The following PLXNB2 variants were observed in gnomAD, a reference collection of about 807,000 sequenced individuals.
PLXNB2 encodes plexin-B2.
Under a neutral mutation model 202.6 loss-of-function variants are expected in PLXNB2, and 85 were observed. The observed-to-expected ratio is 0.42, with a 90% confidence interval of 0.35 to 0.50. PLXNB2 has a LOEUF of 0.50. Among genes scored for constraint, PLXNB2 ranks in the 20% least tolerant of loss-of-function variants. The pLI is 0.02. For synonymous variants in PLXNB2, 1,239 were observed against 1,137.6 expected (o/e 1.09, Z -1.79); for missense variants, 2,063 against 2,586.2 (o/e 0.80, Z 4.39).
chr22:50,280,530 C>T lies in PLXNB2; in HGVS notation c.4134G>A (p.Glu1378=), dbSNP rs771509156. The change falls in exon 25 of 37, where the codon GAG becomes GAA. Residue 1378 remains glutamate (E), a synonymous_variant. Coordinates refer to ENST00000359337, the MANE Select transcript of PLXNB2 (RefSeq NM_012401.4). Reference sequence around the variant, plus strand: ...TGGGGTTCTTGGCCACCACGTACTGCTCCAGGAGCTCCAGGAAGAGCGTGT... The same window carrying T: ...TGGGGTTCTTGGCCACCACGTACTGTTCCAGGAGCTCCAGGAAGAGCGTGT... ...IMHTLFLELL[E]QYVVAKNPKL... The T allele has an allele frequency of 1.9e-6, 3 of 1,611,542 alleles. No homozygotes were observed. Among genetic ancestry groups the T allele is most frequent in the Non-Finnish European group, 1.7e-6 (2 of 1,179,792 alleles).
Position 50,280,894 on chromosome 22 carries a change from G to A in PLXNB2, c.3843C>T (p.Thr1281=), listed in dbSNP as rs1222814018. Residue 1281 remains threonine, a synonymous_variant, in exon 24 of 37, where the codon ACC becomes ACT. Transcript: ENST00000359337. ...GIPVLDYKTY[T]DRVFFLPSKD... ...TGGAGGGCAGGAAGAAGACGCGGTC[G>A]GTGTAGGTCTTGTAGTCCAGCACGG... 12 of 1,613,552 alleles carry A rather than the reference G, an allele frequency of 7.4e-6. No homozygotes were observed. Among genetic ancestry groups the A allele is most frequent in the Middle Eastern group, 1.6e-4 (1 of 6,062 alleles).
Position 50,289,949 on chromosome 22 carries a change from G to C in PLXNB2, c.636C>G (p.Ser212=). Residue 212 remains serine, a synonymous_variant, in exon 3 of 37, where the codon TCC becomes TCG. Coordinates refer to ENST00000359337, the MANE Select transcript of PLXNB2 (RefSeq NM_012401.4). The surrounding 1 kb of genome is among the most constrained non-coding windows in gnomAD (Gnocchi z 8.0). ...DHATYKAGYL[S]TNTQQFVAAF... ...CCGCCACGAACTGCTGTGTGTTGGT[G>C]GACAGGTAGCCGGCCTTGTAGGTGG... The C allele has an allele frequency of 6.2e-7, 1 of 1,613,344 alleles. No individual in the cohort carries two copies. Among genetic ancestry groups the C allele is most frequent in the South Asian group, 1.1e-5 (1 of 91,088 alleles).
rs754956581 is a variant in PLXNB2, at chr22:50,280,001, C to T, written c.4242+4G>A. ...AGCCCCAGCCAGGCTGGGGTGGAAC[C>T]CACCTTGAGGTACTGGTACAGGCAG... On this transcript the variant is annotated splice_donor_region_variant and intron_variant, in intron 26 of 36. Transcript: ENST00000359337. The T allele has an allele frequency of 6.2e-7, 1 of 1,601,708 alleles. No individual in the cohort carries two copies. Among genetic ancestry groups the T allele is most frequent in the South Asian group, 1.1e-5 (1 of 89,544 alleles).
chr22:50,278,083 G>C (rs768651413), intron 31 of PLXNB2, 34 bp downstream of exon 31: 1 of 1,602,574 alleles, frequency 6.2e-7, no homozygotes, highest in Non-Finnish European at 8.5e-7. Context: ...CAGCGTGGCG[G>C]CCTGGTGCCG....
Position 50,282,265 on chromosome 22 carries a change from C to A in PLXNB2, c.3036G>T (p.Gln1012His), listed in dbSNP as rs750444951. The change falls in exon 19 of 37, where the codon CAG becomes CAT. Residue 1012 changes from glutamine (Q) to histidine (H), a missense_variant. Transcript: ENST00000359337. ...CCGCGATGACCACCATGGCAAACCT[C>A]TGGATCAGGCTGAAGCCCTGACCCG... Reference protein sequence around the residue: ...NVTGQGFSLIQRFAMVVIAEP... With the variant: ...NVTGQGFSLIHRFAMVVIAEP... The A allele has an allele frequency of 6.2e-7, 1 of 1,612,404 alleles. No individual in the cohort carries two copies. The highest frequency in any genetic ancestry group is 1.1e-5 in the South Asian group (1 of 91,070).
chr22:50,301,637 C>T (rs1364054309), intron 1 of PLXNB2, among the ~76,000 whole-genome samples: 1 of 152,164 alleles, frequency 6.6e-6, no homozygotes, highest in African/African-American at 2.4e-5. Context: ...CCGCAGCAGC[C>T]GGCTGCTCAG....
At chr22:50,278,338 G>T in intron 30 of PLXNB2, 67 bp from the exon 31 acceptor site, 1 of 1,584,436 alleles carries the variant, frequency 6.3e-7, no homozygotes, top group Non-Finnish European at 8.6e-7. Context: ...AGGGAGCAGT[G>T]GTGGCAGGGT....
intron 15 of PLXNB2, 22 bp downstream of exon 15, chr22:50,283,580 C>G (rs752271561): frequency 4.3e-6 from 7 of 1,611,456 alleles, no homozygotes; most frequent in Non-Finnish European, 5.9e-6. Context: ...TGACAGGGCC[C>G]AGACCAGGGC....
intron 27 of PLXNB2, among the ~76,000 whole-genome samples, chr22:50,279,354 T>C (rs1258487808): frequency 6.6e-6 from 1 of 152,206 alleles, no homozygotes; most frequent in Non-Finnish European, 1.5e-5. Flanking sequence ...CACAGAACCC[T>C]GGACACACCT....
In PLXNB2 at chr22:50,289,315, T is replaced by C. The variant is rs2066700317; in HGVS notation, c.1069-173A>G. Among the ~76,000 whole-genome samples the C allele has an allele frequency of 6.6e-6, 1 of 151,758 alleles. No individual in the cohort carries two copies. Among genetic ancestry groups the C allele is most frequent in the South Asian group, 2.1e-4 (1 of 4,784 alleles). On this transcript the variant is annotated intron_variant, in intron 3 of 36. Coordinates refer to ENST00000359337, the MANE Select transcript of PLXNB2 (RefSeq NM_012401.4). This position sits in a 1 kb window ranked among gnomAD's most constrained non-coding sequence, Gnocchi z 8.0. ...AGCCCCACCGTGCTCACTGTTGTGT[T>C]CCCCAGTGCCCGACACAGGCCTGGG...
At chr22:50,280,714 G>GGCCCAACCCC in intron 24 of PLXNB2, 30 bp downstream of exon 24, 1 of 1,528,954 alleles carries the variant, frequency 6.5e-7, no homozygotes, top group Non-Finnish European at 8.9e-7. Context: ...CCACCTGTGT[G>GGCCCAACCCC]CCCTCCCGCC....
chr22:50,292,775 C>A (rs1472778725), intron 2 of PLXNB2, among the ~76,000 whole-genome samples: 1 of 152,226 alleles, frequency 6.6e-6, no homozygotes, highest in Non-Finnish European at 1.5e-5. Context: ...TTCCTGAAAT[C>A]TCTTGAGGTG....
chr22:50,275,593 G>A lies in PLXNB2; in HGVS notation c.*111C>T, dbSNP rs368330270. On this transcript the variant is annotated 3_prime_UTR_variant, in exon 37 of 37. Transcript: ENST00000359337. ...GGCTGCACCCACTCCGGCTTGGGGC[G>A]CGTTCCAGGGGAGGGTGGGGGCCTC... 21 of 735,642 alleles carry A rather than the reference G, an allele frequency of 2.9e-5. No homozygotes were observed. The highest frequency in any genetic ancestry group is 2.7e-4 in the East Asian group (10 of 37,244). 45.6% of individuals were successfully genotyped at this position (735,642 alleles called of 1,614,324 possible).
intron 1 of PLXNB2, among the ~76,000 whole-genome samples, chr22:50,299,795 G>A (rs1025463580): frequency 6.6e-6 from 1 of 152,156 alleles, no homozygotes; most frequent in East Asian, 1.9e-4. Context: ...GAGGCGGGGG[G>A]CGGTGTCTCC....
rs2147470086 is a variant in PLXNB2 at position 50,286,156 on chromosome 22, G to A, written c.1877+17C>T. Reference sequence around the variant, plus strand: ...GGTGGACGGGCAGGGTGGGGTCGATGGGCACAAGACACTCACGGCAGGTTC... The same window carrying A: ...GGTGGACGGGCAGGGTGGGGTCGATAGGCACAAGACACTCACGGCAGGTTC... On this transcript the variant is annotated intron_variant, in intron 9 of 36. Transcript: ENST00000359337. 1.2e-6 allele frequency: 2 copies of A among 1,610,328 alleles called. No homozygotes were observed. Among genetic ancestry groups the A allele is most frequent in the Non-Finnish European group, 1.7e-6 (2 of 1,177,338 alleles).
At position 50,289,869 on chromosome 22, in the gene PLXNB2, G is replaced by T; in HGVS notation, c.716C>A (p.Pro239Gln). The T allele has an allele frequency of 6.2e-7, 1 of 1,613,268 alleles. No individual in the cohort carries two copies. The highest frequency in any genetic ancestry group is 8.5e-7 in the Non-Finnish European group (1 of 1,180,024). ...TGCCAGCAGCGTGCGGTTCCGGGCCGGGTGCTTGTCCTGCTGGTTGAAGAC... is the reference window on the plus strand; with the variant it reads ...TGCCAGCAGCGTGCGGTTCCGGGCCTGGTGCTTGTCCTGCTGGTTGAAGAC... ...FFVFNQQDKH[P>Q]ARNRTLLARM... Residue 239 changes from proline (P) to glutamine (Q), a missense_variant, in exon 3 of 37, where the codon CCG becomes CAG. Physicochemically the swap from Pro to Gln is moderately conservative, Grantham distance 76. Transcript: ENST00000359337. The surrounding 1 kb of genome is among the most constrained non-coding windows in gnomAD (Gnocchi z 8.0).
chr22:50,290,494 C>T lies in PLXNB2; in HGVS notation c.91G>A (p.Glu31Lys), dbSNP rs747741923. ...RPRKLDFFRS[E>K]KELNHLAVDE... ...ACAGCCAGGTGGTTCAGCTCTTTCTCGCTGCGGAAGAAGTCCAGCTTGCGG... is the reference window on the plus strand; with the variant it reads ...ACAGCCAGGTGGTTCAGCTCTTTCTTGCTGCGGAAGAAGTCCAGCTTGCGG... The change falls in exon 3 of 37, where the codon GAG becomes AAG. Residue 31 changes from glutamate (E) to lysine (K), a missense_variant. Coordinates refer to ENST00000359337, the MANE Select transcript of PLXNB2 (RefSeq NM_012401.4). 35 of 1,612,814 alleles carry T rather than the reference C, an allele frequency of 2.2e-5. No individual in the cohort carries two copies. Among genetic ancestry groups the T allele is most frequent in the South Asian group, 1.2e-4 (11 of 91,072 alleles).
chr22:50,277,132 C>A (rs1569155710), intron 33 of PLXNB2, among the ~76,000 whole-genome samples: 1 of 152,114 alleles, frequency 6.6e-6, no homozygotes, highest in Non-Finnish European at 1.5e-5. Flanking sequence ...CATGGTGAAA[C>A]CCCGTCTCTA....
chr22:50,287,068 G>A, intron 8 of PLXNB2, 43 bp downstream of exon 8: 2 of 1,463,464 alleles, frequency 1.4e-6, no homozygotes, highest in East Asian at 2.5e-5. Context: ...AGGGCCCCGT[G>A]CGACCGAGAA....
Sources: gnomAD v4.1 joint callset for allele counts (sites outside exome capture counted in the v4.1 genomes callset) on GRCh38, gnomAD v4.1.1 for gene constraint, Gnocchi (gnomAD v3.1) non-coding constraint, MANE v1.5 for transcripts, NCBI Gene and HGNC (gene_info 2026-07-23, HGNC 2026-07-21) for gene names.